The following TLN2 variants were observed in gnomAD, a reference collection of about 807,000 sequenced individuals.
TLN2 encodes talin 2, also known as talin-2.
Under a neutral mutation model 294.7 loss-of-function variants are expected in TLN2, and 118 were observed. The ratio of observed to expected loss-of-function variants is 0.40; its 90% confidence interval spans 0.34 to 0.47. The LOEUF (loss-of-function observed/expected upper bound fraction) is 0.47. Ranked by LOEUF, TLN2 falls within the 20% of genes least tolerant of loss-of-function variation. The pLI, the probability that TLN2 is intolerant of heterozygous loss-of-function variation, is 0.84. For missense variants in TLN2, 3,083 were observed against 3,282.2 expected, an observed-to-expected ratio of 0.94 and a Z score of 1.48; for synonymous variants, 1,431 against 1,304.5, an observed-to-expected ratio of 1.10 and a Z score of -2.09.
intron 3 of TLN2, chr15:62,637,822 A>G (rs1447547647): frequency 6.6e-6 from 1 of 152,324 alleles, no homozygotes; most frequent in Admixed American, 6.5e-5. Context: ...AGACTAGTTT[A>G]TGGAAGCAAA....
intron 40 of TLN2, among the ~76,000 whole-genome samples, chr15:62,764,274 G>T (rs2062855398): frequency 1.3e-5 from 2 of 152,000 alleles, no homozygotes; most frequent in South Asian, 2.1e-4. Context: ...TTCCCTTTGG[G>T]TCTTTTTCTA....
chr15:62,555,113 T>A (rs558742379), intron 1 of TLN2, among the ~76,000 whole-genome samples: 1 of 152,188 alleles, frequency 6.6e-6, no homozygotes, highest in Non-Finnish European at 1.5e-5. Flanking sequence ...CAGATAGTCA[T>A]CTAAATCCTA....
chr15:62,660,932 T>G (rs1406818946), intron 9 of TLN2, among the ~76,000 whole-genome samples: 3 of 152,240 alleles, frequency 2.0e-5, no homozygotes, highest in Non-Finnish European at 4.4e-5. Context: ...GTATTTTAAG[T>G]GCAGGATGGT....
At chr15:62,815,177 TCACACACACACA>T (rs3055852) in intron 52 of TLN2, among the ~76,000 whole-genome samples, 3,436 of 140,612 alleles carry the variant, frequency 0.024, 81 homozygotes, top group African/African-American at 0.064. Context: ...ATTCTGTCTG[TCACACACACACA>T]CACACACACA....
chr15:62,469,922 G>A (rs1030458656), intron 1 of TLN2, among the ~76,000 whole-genome samples: 7 of 152,020 alleles, frequency 4.6e-5, no homozygotes, highest in African/African-American at 9.7e-5. Flanking sequence ...TGGCTCTTGC[G>A]TGTGGGTGTG....
chr15:62,563,026 T>G (rs1476091308), intron 1 of TLN2, among the ~76,000 whole-genome samples: 1 of 151,984 alleles, frequency 6.6e-6, no homozygotes, highest in Non-Finnish European at 1.5e-5. Context: ...TCCATGTTTT[T>G]GCAGTTGCGA....
At chr15:62,554,817 A>G (rs1002338068) in intron 1 of TLN2, among the ~76,000 whole-genome samples, 3 of 152,154 alleles carry the variant, frequency 2.0e-5, no homozygotes, top group Non-Finnish European at 4.4e-5. Context: ...CACTTACGTG[A>G]TAACTTTGCA....
intron 25 of TLN2, among the ~76,000 whole-genome samples, chr15:62,720,216 G>C (rs980485662): frequency 2.0e-5 from 3 of 152,242 alleles, no homozygotes; most frequent in African/African-American, 7.2e-5. Context: ...TTAGGTTTTT[G>C]TTTCCAGAGA....
At chr15:62,399,733 T>C (rs1203090441) in intron 1 of TLN2, among the ~76,000 whole-genome samples, 1 of 152,264 alleles carries the variant, frequency 6.6e-6, no homozygotes, top group Non-Finnish European at 1.5e-5. Context: ...TTTGGCCAAT[T>C]TCTCCTATTT....
chr15:62,458,142 C>T (rs564041414), intron 1 of TLN2, among the ~76,000 whole-genome samples: 7 of 152,110 alleles, frequency 4.6e-5, no homozygotes, highest in Admixed American at 1.3e-4. Flanking sequence ...TGGCTCTCAG[C>T]GCCACCTCTG....
At chr15:62,485,048 C>G (rs1391163575) in intron 1 of TLN2, among the ~76,000 whole-genome samples, 3 of 152,074 alleles carry the variant, frequency 2.0e-5, no homozygotes, top group African/African-American at 7.2e-5. Context: ...GCTGGGGATA[C>G]CATTCCTTCA....
Position 62,725,044 on chromosome 15 carries a change from A to C in TLN2, c.3195A>C (p.Glu1065Asp). 6.2e-7 allele frequency: 1 copy of C among 1,613,494 alleles called. No individual in the cohort carries two copies. The highest frequency in any genetic ancestry group is 8.5e-7 in the Non-Finnish European group (1 of 1,179,774). The change falls in exon 27 of 59, where the codon GAA (glutamate) becomes GAC (aspartate). Residue 1065 changes from glutamate to aspartate, a missense_variant. Coordinates refer to ENST00000636159, the MANE Select transcript of TLN2 (RefSeq NM_015059.3). ...ALNTVQTLKN[E>D]LQDAKMAAVE... ...ATACGGTGCAGACGCTTAAGAATGA[A>C]CTGCAGGATGCCAAGATGGCAGCCG...
intron 1 of TLN2, among the ~76,000 whole-genome samples, chr15:62,510,084 T>C (rs74518550): frequency 0.02 from 3,011 of 152,322 alleles, 33 homozygotes; most frequent in Non-Finnish European, 0.028. Flanking sequence ...CTTCATTCTT[T>C]GTGGGGTTTG....
chr15:62,475,700 C>T (rs568104674), intron 1 of TLN2, among the ~76,000 whole-genome samples: 1 of 152,192 alleles, frequency 6.6e-6, no homozygotes, highest in Non-Finnish European at 1.5e-5. Context: ...CAAATGTGAA[C>T]AGTTCTTTCT....
chr15:62,544,403 C>T (rs768699014), intron 1 of TLN2, among the ~76,000 whole-genome samples: 135 of 152,112 alleles, frequency 8.9e-4, no homozygotes, highest in Non-Finnish European at 1.3e-3. Context: ...GGGACTTTTC[C>T]AAAAGGTTAT....
Position 62,833,670 on chromosome 15 carries a change from C to T in TLN2, c.7128+41C>T, listed in dbSNP as rs115937989. The T allele has an allele frequency of 2.6e-5, 41 of 1,598,324 alleles. No homozygotes were observed. In the East Asian group the frequency reaches 5.2e-4, roughly 20 times the overall value. ...GACCACATGCGGGACACTCAACGTA[C>T]GAGAGCCTCAGGGGGCCCAGGAAAA... On this transcript the variant is annotated intron_variant, in intron 55 of 58. Transcript: ENST00000636159.
At chr15:62,651,538 T>C (rs1225572329) in intron 5 of TLN2, among the ~76,000 whole-genome samples, 1 of 152,166 alleles carries the variant, frequency 6.6e-6, no homozygotes, top group Non-Finnish European at 1.5e-5. Flanking sequence ...CTTCACAAGT[T>C]CTTTAATACA....
At chr15:62,542,458 G>A (rs2041750425) in intron 1 of TLN2, among the ~76,000 whole-genome samples, 1 of 152,180 alleles carries the variant, frequency 6.6e-6, no homozygotes, top group African/African-American at 2.4e-5. Flanking sequence ...CCAAAGTGCT[G>A]GGATTACAGG....
intron 1 of TLN2, among the ~76,000 whole-genome samples, chr15:62,425,027 A>G (rs1331207322): frequency 1.4e-5 from 2 of 138,178 alleles, no homozygotes; most frequent in African/African-American, 5.6e-5. Flanking sequence ...ATCTCGGCTC[A>G]CTGCAGCCTC....
Sources: allele counts gnomAD v4.1 joint callset (sites outside exome capture counted in the v4.1 genomes callset), GRCh38; gene constraint gnomAD v4.1.1; transcripts MANE v1.5; gene names NCBI Gene and HGNC (gene_info 2026-07-23, HGNC 2026-07-21).